Variants in BBOF1 observed in about 807,000 individuals in gnomAD.
BBOF1 encodes the protein basal body-orientation factor 1.
BBOF1 carries 62 observed loss-of-function variants against 68.0 expected under a neutral mutation model. The ratio of observed to expected loss-of-function variants is 0.91; its 90% CI spans 0.74 to 1.13. The LOEUF is 1.13. BBOF1 is among the 50% of genes most tolerant of loss of function. The probability of loss-of-function intolerance (pLI) is 0.00; values close to 1 mark genes in which losing one functional copy is unlikely to be tolerated. For missense variants in BBOF1, 534 were observed against 600.1 expected (o/e 0.89, Z 1.15); for synonymous variants, 208 against 198.8 (o/e 1.05, Z -0.39).
rs567123198 is a variant in BBOF1 at position 74,033,289 on chromosome 14, C to T, written c.352-739C>T. 3.2e-4 allele frequency among the ~76,000 whole-genome samples: 49 copies of T among 152,216 alleles called. No homozygotes were observed. In the South Asian group the frequency reaches 8.9e-3, roughly 28 times the overall value. On this transcript the variant is annotated intron_variant, in intron 3 of 11. Coordinates refer to ENST00000394009, the MANE Select transcript of BBOF1 (RefSeq NM_025057.3). ...CTTTATGCAAAAATAAAAGGGGGAC[C>T]GGGCGCGGTGGCTCATGCCTGTAAT... is the stretch of plus-strand genomic sequence containing the variant.
At chr14:74,080,292 T>C (rs1208666588) in intron 10 of BBOF1, among the ~76,000 whole-genome samples, 1 of 151,890 alleles carries the variant, frequency 6.6e-6, no homozygotes, top group Non-Finnish European at 1.5e-5. Flanking sequence ...TCCCAGTCTA[T>C]ACCATCATTG....
At chr14:74,054,826 C>G in intron 8 of BBOF1, 1 of 177,736 alleles carries the variant, frequency 5.6e-6, no homozygotes, top group Non-Finnish European at 1.2e-5. Flanking sequence ...TTAGAGGAGC[C>G]TGCCACCATG....
At chr14:74,024,348 C>T (rs1032146184) in intron 2 of BBOF1, among the ~76,000 whole-genome samples, 5 of 152,052 alleles carry the variant, frequency 3.3e-5, no homozygotes, top group Non-Finnish European at 4.4e-5. Flanking sequence ...CCCAGCTACT[C>T]GGGAGGCTAA....
Position 74,029,164 on chromosome 14 carries a change from T to G in BBOF1, c.286-20T>G. 6.7e-7 allele frequency: 1 copy of G among 1,493,944 alleles called. No individual in the cohort carries two copies. The highest frequency in any genetic ancestry group is 9.1e-7 in the Non-Finnish European group (1 of 1,093,842). 92.5% of individuals were successfully genotyped at this position (1,493,944 alleles called of 1,614,324 possible). On this transcript the variant is annotated intron_variant, in intron 2 of 11. Transcript: ENST00000394009. ...AGCAGTTTCTTTATCTTCATGACCC[T>G]GTATTTTGATTTTCAACAGATTGAA...
At chr14:74,043,877 C>T (rs931327089) in intron 5 of BBOF1, among the ~76,000 whole-genome samples, 4 of 151,978 alleles carry the variant, frequency 2.6e-5, no homozygotes, top group Admixed American at 2.6e-4. Flanking sequence ...TTCTGGAATG[C>T]TGTTCCTCCA....
intron 1 of BBOF1, among the ~76,000 whole-genome samples, chr14:74,021,460 C>A (rs770560848): frequency 6.6e-6 from 1 of 151,984 alleles, no homozygotes; most frequent in Non-Finnish European, 1.5e-5. Context: ...CATGCTAACT[C>A]ATGCCTGTAG....
intron 8 of BBOF1, among the ~76,000 whole-genome samples, chr14:74,053,526 C>G (rs1298092466): frequency 6.6e-6 from 1 of 151,734 alleles, no homozygotes; most frequent in Non-Finnish European, 1.5e-5. Context: ...ACCTCAGCCC[C>G]CCAAGTAGCT....
downstream of BBOF1, chr14:74,069,230 A>C: frequency 2.6e-6 from 1 of 391,786 alleles, no homozygotes; most frequent in Non-Finnish European, 4.8e-6. Context: ...CAGCCTCCCA[A>C]GCAGCTGGGA....
At chr14:74,037,518 G>A (rs1231490517) in intron 4 of BBOF1, among the ~76,000 whole-genome samples, 1 of 146,628 alleles carries the variant, frequency 6.8e-6, no homozygotes, top group African/African-American at 2.5e-5. Flanking sequence ...TCGAACTCCT[G>A]GGCTCAAGCA....
At chr14:74,025,069 A>G (rs1424583828) in intron 2 of BBOF1, among the ~76,000 whole-genome samples, 1 of 152,146 alleles carries the variant, frequency 6.6e-6, no homozygotes, top group African/African-American at 2.4e-5. Context: ...AACCTGGCCA[A>G]TTTTTATTTT....
At chr14:74,060,640 T>C in intron 11 of BBOF1, 1 of 1,602,920 alleles carries the variant, frequency 6.2e-7, no homozygotes, top group African/African-American at 1.3e-5. Flanking sequence ...ACAAACTTGT[T>C]TCTAACGGCC....
rs769681316 is a variant in BBOF1, at chr14:74,071,851, T to G, written n.1380-6345T>G. The stretch of plus-strand genomic sequence containing the variant: ...ATTCTGCGATCTTTGCCTCCCATCT[T>G]CCTTTGGTCCTTCCCAAAAGTCCCA... On this transcript the variant is annotated intron_variant and non_coding_transcript_variant, in intron 9 of 12. Coordinates refer to the BBOF1 transcript ENST00000492026. 4 of 1,595,248 alleles carry G rather than the reference T, an allele frequency of 2.5e-6. No homozygotes were observed. In the South Asian group the frequency reaches 3.3e-5, roughly 13 times the overall value.
At chr14:74,057,089 CA>C in intron 10 of BBOF1, 54 bp from the exon 11 acceptor site, 1 of 1,597,768 alleles carries the variant, frequency 6.3e-7, no homozygotes, top group Non-Finnish European at 8.5e-7. Context: ...TATTCTAAAC[CA>C]GGTTTCATGT....
In BBOF1 at chr14:74,071,467, G is replaced by T. The variant is rs370897364; in HGVS notation, n.1380-6729G>T. ...TGGCATGGTCTCTCCCATCATGAGG[G>T]ATGTCACACTACAGGCATGCTCAAC... is the stretch of plus-strand genomic sequence containing the variant. On this transcript the variant is annotated intron_variant and non_coding_transcript_variant, in intron 9 of 12. Transcript: ENST00000492026. 6.8e-6 allele frequency: 11 copies of T among 1,613,972 alleles called. No homozygotes were observed. In the East Asian group the frequency reaches 2.2e-4, roughly 33 times the overall value.
At chr14:74,024,851 A>G (rs1413586003) in intron 2 of BBOF1, among the ~76,000 whole-genome samples, 1 of 152,054 alleles carries the variant, frequency 6.6e-6, no homozygotes, top group Non-Finnish European at 1.5e-5. Flanking sequence ...AATCCTCCCA[A>G]CTTAGCCTCC....
exon 10 of BBOF1, chr14:74,078,267 A>C (rs2060634736): frequency 4.4e-6 from 2 of 455,782 alleles, no homozygotes; most frequent in Non-Finnish European, 8.8e-6. Flanking sequence ...AACTCAACCT[A>C]ATGGAGAAGG....
rs146605372 is a variant in BBOF1 at position 74,021,317 on chromosome 14, G to T, written c.57-1599G>T. Among the ~76,000 whole-genome samples the T allele has an allele frequency of 9.2e-5, 14 of 152,178 alleles. 1 individual carries two copies. The East Asian group carries it at 2.7e-3, about 29-fold the overall frequency. On this transcript the variant is annotated intron_variant, in intron 1 of 11. Transcript: ENST00000394009. Reference sequence around the variant, plus strand: ...GCATCCTTAAAGCCCGGTGGGTGGGGCATCGTGGCTCATGCCCAGCACTTT... The same window carrying T: ...GCATCCTTAAAGCCCGGTGGGTGGGTCATCGTGGCTCATGCCCAGCACTTT...
chr14:74,056,436 G>T lies in BBOF1; in HGVS notation c.1389-470G>T, dbSNP rs1023354942. Among the ~76,000 whole-genome samples the T allele has an allele frequency of 5.3e-5, 8 of 151,776 alleles. 1 individual carries two copies. The highest frequency in any genetic ancestry group is 2.6e-4 in the Admixed American group (4 of 15,202). On this transcript the variant is annotated intron_variant, in intron 9 of 11. Coordinates refer to ENST00000394009, the MANE Select transcript of BBOF1 (RefSeq NM_025057.3). ...GCTGGTCTCGAACTCCTGACCTGAG[G>T]TGACCTGCCCGCCTCAGCCTCCTAA...
chr14:74,053,731 TGA>T (rs1215510621), intron 8 of BBOF1, among the ~76,000 whole-genome samples: 1 of 151,420 alleles, frequency 6.6e-6, no homozygotes, highest in Admixed American at 6.6e-5. Context: ...TTTTTTTTTT[TGA>T]GAGAGTCTCA....
Sources: allele counts gnomAD v4.1 joint callset (sites outside exome capture counted in the v4.1 genomes callset), GRCh38; gene constraint gnomAD v4.1.1; transcripts MANE v1.5; gene names NCBI Gene and HGNC (gene_info 2026-07-23, HGNC 2026-07-21).